Variants in RIC8B observed in about 807,000 individuals in gnomAD.
RIC8B encodes the protein RIC8 guanine nucleotide exchange factor B, also known as chaperone Ric-8B.
Under a neutral mutation model 57.5 loss-of-function variants are expected in RIC8B, and 16 were observed. The observed-to-expected ratio is 0.28, with a 90% CI of 0.19 to 0.42. The LOEUF (loss-of-function observed/expected upper bound fraction) is 0.42. Among genes scored for constraint, RIC8B ranks in the 10% least tolerant of loss-of-function variants. The probability of loss-of-function intolerance (pLI) is 1.00; values close to 1 mark genes in which losing one functional copy is unlikely to be tolerated. For synonymous variants in RIC8B, 216 were observed against 250.8 expected (o/e 0.86, Z 1.31); for missense variants, 481 against 677.0 (o/e 0.71, Z 3.21).
At chr12:106,874,826 T>C (rs1045366758) in intron 9 of RIC8B, among the ~76,000 whole-genome samples, 1 of 152,032 alleles carries the variant, frequency 6.6e-6, no homozygotes, top group Non-Finnish European at 1.5e-5. Flanking sequence ...CCAAGTGATT[T>C]TTTTTTTTTA....
At chr12:106,843,772 C>A in intron 5 of RIC8B, 80 bp from the exon 6 acceptor site, 3 of 903,084 alleles carry the variant, frequency 3.3e-6, no homozygotes, top group East Asian at 2.6e-5. Flanking sequence ...AAATTGATAT[C>A]CTCAGTTACA....
At position 106,804,301 on chromosome 12, in the gene RIC8B, G is replaced by A. The variant is rs566097433; in HGVS notation, c.133-10395G>A. 7.6e-4 allele frequency among the ~76,000 whole-genome samples: 115 copies of A among 150,364 alleles called. 1 individual carries two copies. In the South Asian group the frequency reaches 0.019, roughly 25 times the overall value. On this transcript the variant is annotated intron_variant, in intron 2 of 9. Transcript: ENST00000392837. ...GTGATCTCTGCTCACTGCAGTCTCCGCCTCCTGGGCCCAAGCGATTCTCCT... is the reference window on the plus strand; with the variant it reads ...GTGATCTCTGCTCACTGCAGTCTCCACCTCCTGGGCCCAAGCGATTCTCCT...
At chr12:106,821,444 T>G (rs1029007057) in intron 3 of RIC8B, among the ~76,000 whole-genome samples, 3 of 152,156 alleles carry the variant, frequency 2.0e-5, no homozygotes, top group Non-Finnish European at 2.9e-5. Context: ...AAAGTGAATT[T>G]GAATCCCCAT....
intron 9 of RIC8B, among the ~76,000 whole-genome samples, chr12:106,882,228 T>C (rs1425260830): frequency 6.6e-6 from 1 of 152,186 alleles, no homozygotes; most frequent in East Asian, 1.9e-4. Context: ...CCTAATGTTA[T>C]ACTATACACT....
intron 9 of RIC8B, among the ~76,000 whole-genome samples, chr12:106,885,541 G>T (rs1309365784): frequency 6.6e-6 from 1 of 150,594 alleles, no homozygotes; most frequent in Admixed American, 6.6e-5. Context: ...TGAAATTTTG[G>T]CAGCTTCAAC....
intron 4 of RIC8B, among the ~76,000 whole-genome samples, chr12:106,841,619 T>G (rs1948953419): frequency 6.6e-6 from 1 of 152,146 alleles, no homozygotes; most frequent in Non-Finnish European, 1.5e-5. Context: ...TTATTTTTAG[T>G]CAGGATGTGG....
chr12:106,814,812 G>A lies in RIC8B; in HGVS notation c.249G>A (p.Val83=), dbSNP rs1392805778. The A allele has an allele frequency of 6.2e-7, 1 of 1,614,194 alleles. No individual in the cohort carries two copies. The highest frequency in any genetic ancestry group is 1.7e-5 in the Admixed American group (1 of 60,026). ...LSRDKKVLVP[V]TTKENMQILL... is the part of the protein sequence containing the mutation. The stretch of plus-strand genomic sequence containing the variant: ...GAGACAAAAAGGTTTTAGTTCCTGT[G>A]ACAACTAAGGAAAATATGCAGATAC... The change falls in exon 3 of 10, where the codon GTG becomes GTA. Residue 83 remains valine (V), a synonymous_variant. Coordinates refer to ENST00000392837, the MANE Select transcript of RIC8B (RefSeq NM_001330145.2).
intron 2 of RIC8B, among the ~76,000 whole-genome samples, chr12:106,813,497 C>T (rs1342103973): frequency 6.6e-6 from 1 of 152,028 alleles, no homozygotes; most frequent in East Asian, 1.9e-4. Context: ...GCCTTCTATA[C>T]CATTTTATAT....
Position 106,879,203 on chromosome 12 carries a change from G to A in RIC8B, c.1572-6701G>A. 1.0e-6 allele frequency: 1 copy of A among 985,776 alleles called. No individual in the cohort carries two copies. The highest frequency in any genetic ancestry group is 1.2e-6 in the Non-Finnish European group (1 of 829,898). 61.1% of individuals were successfully genotyped at this position (985,776 alleles called of 1,614,324 possible). A position where few individuals can be genotyped will look rare whatever the true frequency, so the allele number is the denominator to read the frequency against. Reference sequence around the variant, plus strand: ...TTTACCAACTGCTTAATTATGTCCTGTTTTTCAACAAGTACACTTGAATTG... The same window carrying A: ...TTTACCAACTGCTTAATTATGTCCTATTTTTCAACAAGTACACTTGAATTG... On this transcript the variant is annotated intron_variant, in intron 9 of 9. Transcript: ENST00000392837. The surrounding 1 kb of genome is among the most constrained non-coding windows in gnomAD (Gnocchi z 4.9).
At chr12:106,871,490 A>AAG (rs1950414225) in intron 9 of RIC8B, 1 of 143,798 alleles carries the variant, frequency 7.0e-6, no homozygotes, top group Non-Finnish European at 1.5e-5. Flanking sequence ...AAAAAAAAAA[A>AAG]AAAAAAAACC....
intron 3 of RIC8B, among the ~76,000 whole-genome samples, chr12:106,816,961 C>T (rs1223008975): frequency 6.6e-6 from 1 of 152,124 alleles, no homozygotes; most frequent in East Asian, 1.9e-4. Flanking sequence ...TGTTGTGAGT[C>T]AGTTGATATA....
At chr12:106,785,813 C>CTCTCTGTG (rs1376526047) in intron 2 of RIC8B, among the ~76,000 whole-genome samples, 5 of 123,852 alleles carry the variant, frequency 4.0e-5, no homozygotes, top group African/African-American at 1.5e-4. Context: ...CTCTCTCTCT[C>CTCTCTGTG]TGTGTGTGTG....
chr12:106,832,271 T>G (rs1566103887), intron 4 of RIC8B, among the ~76,000 whole-genome samples: 1 of 152,220 alleles, frequency 6.6e-6, no homozygotes, highest in African/African-American at 2.4e-5. Flanking sequence ...TTTTTATTTT[T>G]CCACTTGTTT....
At chr12:106,787,017 AG>A (rs2044060191) in intron 2 of RIC8B, among the ~76,000 whole-genome samples, 1 of 152,210 alleles carries the variant, frequency 6.6e-6, no homozygotes, top group South Asian at 2.1e-4. Flanking sequence ...TATAAATTTC[AG>A]GTGAAAGGGA....
At chr12:106,825,299 C>A (rs1025643532) in intron 3 of RIC8B, among the ~76,000 whole-genome samples, 1 of 152,056 alleles carries the variant, frequency 6.6e-6, no homozygotes, top group Non-Finnish European at 1.5e-5. Flanking sequence ...AAATGAAGTT[C>A]GTGGATTTAT....
At position 106,794,369 on chromosome 12, in the gene RIC8B, GAGAA is replaced by G. The variant is rs561495111; in HGVS notation, c.132+10332_132+10335del. Among the ~76,000 whole-genome samples the G allele has an allele frequency of 1.7e-4, 26 of 152,206 alleles. No individual in the cohort carries two copies. In the South Asian group the frequency reaches 5.2e-3, roughly 30 times the overall value. On this transcript the variant is annotated intron_variant, in intron 2 of 9. Coordinates refer to ENST00000392837, the MANE Select transcript of RIC8B (RefSeq NM_001330145.2). Reference sequence around the variant, plus strand: ...ATGGGAATACCAGAAGGAGAGGAGAGAGAAAGAAAGGAGAAGAAAAATATATTTG... The same window carrying G: ...ATGGGAATACCAGAAGGAGAGGAGAGAGAAAGGAGAAGAAAAATATATTTG...
At chr12:106,807,218 G>A (rs1480035315) in intron 2 of RIC8B, among the ~76,000 whole-genome samples, 1 of 152,126 alleles carries the variant, frequency 6.6e-6, no homozygotes, top group African/African-American at 2.4e-5. Context: ...ACATCAATGG[G>A]ATACCATATT....
chr12:106,885,665 A>C (rs190566647), intron 9 of RIC8B, among the ~76,000 whole-genome samples: 1 of 151,728 alleles, frequency 6.6e-6, no homozygotes, highest in African/African-American at 2.4e-5. Flanking sequence ...TCATACTTTT[A>C]ATTGGCTTAG....
intron 3 of RIC8B, among the ~76,000 whole-genome samples, chr12:106,817,824 CAA>C (rs1256361414): frequency 1.2e-4 from 14 of 112,006 alleles, no homozygotes; most frequent in Admixed American, 9.4e-5. Context: ...AACACTGTCT[CAA>C]AAAAAAAAAA....
Sources: gnomAD v4.1 joint callset for allele counts (sites outside exome capture counted in the v4.1 genomes callset) on GRCh38, gnomAD v4.1.1 for gene constraint, Gnocchi (gnomAD v3.1) non-coding constraint, MANE v1.5 for transcripts, NCBI Gene and HGNC (gene_info 2026-07-23, HGNC 2026-07-21) for gene names.